ATE1: variants seen among roughly 807,000 people sequenced by gnomAD.
ATE1 encodes arginyl-tRNA--protein transferase 1.
In ATE1, 36 loss-of-function variants were observed where a neutral mutation model predicts 70.5. The ratio of observed to expected loss-of-function variants is 0.51; its 90% CI spans 0.39 to 0.67. ATE1 has a LOEUF of 0.67. ATE1 is among the 30% of genes least tolerant of loss of function. The pLI is 0.00. For synonymous variants in ATE1, 232 were observed against 219.3 expected, an observed-to-expected ratio of 1.06 and a Z score of -0.51; for missense variants, 593 against 629.5, an observed-to-expected ratio of 0.94 and a Z score of 0.62.
At chr10:121,791,096 A>AT (rs10584053) in intron 10 of ATE1, among the ~76,000 whole-genome samples, 8,574 of 94,320 alleles carry the variant, frequency 0.091, 382 homozygotes, top group East Asian at 0.12. Flanking sequence ...GTGTATATAT[A>AT]TTTTTTTTTT....
At chr10:121,907,408 T>A (rs984151609) in intron 5 of ATE1, among the ~76,000 whole-genome samples, 5 of 151,766 alleles carry the variant, frequency 3.3e-5, no homozygotes, top group African/African-American at 1.2e-4. Context: ...GAGGTTGCAG[T>A]GAGCTGAGAT....
At chr10:121,860,355 A>G (rs1564903890) in intron 8 of ATE1, among the ~76,000 whole-genome samples, 2 of 152,210 alleles carry the variant, frequency 1.3e-5, no homozygotes, top group Non-Finnish European at 2.9e-5. Context: ...GCAGTCCACC[A>G]TGCCAACACA....
intron 11 of ATE1, among the ~76,000 whole-genome samples, chr10:121,751,380 G>GAACT (rs1397015261): frequency 5.9e-5 from 9 of 152,174 alleles, no homozygotes; most frequent in Admixed American, 5.9e-4. Context: ...ACATACTGAA[G>GAACT]AACTGCCAGA....
rs1944226761 is a variant in ATE1, at chr10:121,743,796, G to A, written c.1441C>T (p.Pro481Ser). 6.2e-7 allele frequency: 1 copy of A among 1,613,908 alleles called. No individual in the cohort carries two copies. The highest frequency in any genetic ancestry group is 8.5e-7 in the Non-Finnish European group (1 of 1,180,020). ...LQVFHKRAIM[P>S]YGVYKKQQKD... ...TGCTGTTTCTTATAAACACCGTAAG[G>A]CATGATGGCTCTCTTGTGAAACACC... The change falls in exon 12 of 12, where the codon CCT (proline) becomes TCT (serine). Residue 481 changes from proline to serine, a missense_variant. Around this residue, in one of 3 missense-constraint regions of ATE1, gnomAD observed 90 missense variants for 93.7 expected, o/e 0.96. Coordinates refer to ENST00000224652, the MANE Select transcript of ATE1 (RefSeq NM_001001976.3).
At chr10:121,820,792 T>C (rs1037980944) in intron 10 of ATE1, among the ~76,000 whole-genome samples, 4 of 152,382 alleles carry the variant, frequency 2.6e-5, no homozygotes, top group African/African-American at 9.6e-5. Context: ...GATATATGCA[T>C]GGCAGTGTCC....
rs1468628765 is a variant in ATE1 at position 121,927,829 on chromosome 10, G to T, written c.106+15C>A. The T allele has an allele frequency of 6.4e-7, 1 of 1,552,718 alleles. No individual in the cohort carries two copies. The highest frequency in any genetic ancestry group is 8.7e-7 in the Non-Finnish European group (1 of 1,151,608). ...GGCGCCCGGCTTCCCACGCCCGCCG[G>T]CCCGGCTCGCTCACCATTGGAGCGG... On this transcript the variant is annotated intron_variant, in intron 1 of 11. Coordinates refer to ENST00000224652, the MANE Select transcript of ATE1 (RefSeq NM_001001976.3).
intron 6 of ATE1, among the ~76,000 whole-genome samples, chr10:121,901,660 TGG>T: frequency 6.6e-6 from 1 of 152,090 alleles, no homozygotes; most frequent in Admixed American, 6.6e-5. Flanking sequence ...TTCACTGTGT[TGG>T]CCAAGCTGAT....
intron 5 of ATE1, among the ~76,000 whole-genome samples, 183 bp downstream of exon 5, chr10:121,910,723 T>C (rs556066768): frequency 2.6e-5 from 4 of 152,334 alleles, no homozygotes; most frequent in East Asian, 3.9e-4. Context: ...TTTTTAAGCA[T>C]AGTAGTTTGT....
At chr10:121,829,770 T>C (rs914893814) in intron 10 of ATE1, among the ~76,000 whole-genome samples, 5 of 152,188 alleles carry the variant, frequency 3.3e-5, no homozygotes, top group Non-Finnish European at 5.9e-5. Flanking sequence ...AAATTCCTTT[T>C]ATTCTTTAAT....
chr10:121,863,008 G>A (rs1949530039), intron 8 of ATE1, among the ~76,000 whole-genome samples: 1 of 152,146 alleles, frequency 6.6e-6, no homozygotes, highest in South Asian at 2.1e-4. Flanking sequence ...GTGTGGTAGT[G>A]TTGTTCATGC....
chr10:121,791,054 ACGTGTGT>A (rs1946423119), intron 10 of ATE1, among the ~76,000 whole-genome samples: 1 of 3,610 alleles, frequency 2.8e-4, no homozygotes, highest in African/African-American at 4.7e-4. Flanking sequence ...ATATATGTAT[ACGTGTGT>A]GTGTGTGTGT....
intron 1 of ATE1, among the ~76,000 whole-genome samples, chr10:121,926,524 G>A (rs1458606781): frequency 6.6e-6 from 1 of 152,126 alleles, no homozygotes; most frequent in African/African-American, 2.4e-5. Flanking sequence ...TTGCAGGCAG[G>A]TTTCTTCGAC....
In ATE1 at chr10:121,927,975, C is replaced by G; in HGVS notation, c.-26G>C. On this transcript the variant is annotated 5_prime_UTR_variant, in exon 1 of 12. Coordinates refer to ENST00000224652, the MANE Select transcript of ATE1 (RefSeq NM_001001976.3). ...GGCCTCGGCCCCGCGAACGCTCAGC[C>G]GCCCGGCCCCGCGTCGCTAGCGCGG... 6.8e-7 allele frequency: 1 copy of G among 1,481,356 alleles called. No individual in the cohort carries two copies. The highest frequency in any genetic ancestry group is 9.0e-7 in the Non-Finnish European group (1 of 1,113,540). The allele number at this position is 1,481,356 out of a possible 1,614,324, so 91.8% of individuals were successfully genotyped here.
At chr10:121,756,706 G>A (rs1944816600) in intron 11 of ATE1, among the ~76,000 whole-genome samples, 2 of 152,168 alleles carry the variant, frequency 1.3e-5, no homozygotes, top group South Asian at 2.1e-4. Flanking sequence ...CTCTACCTTG[G>A]CCACTTTTAG....
At chr10:121,863,052 T>G (rs2133969133) in intron 8 of ATE1, among the ~76,000 whole-genome samples, 1 of 152,290 alleles carries the variant, frequency 6.6e-6, no homozygotes, top group Admixed American at 6.5e-5. Flanking sequence ...TGTCTAAATG[T>G]TCTATCAATT....
At chr10:121,834,406 G>T (rs10788213) in intron 10 of ATE1, among the ~76,000 whole-genome samples, 43,587 of 152,030 alleles carry the variant, frequency 0.29, 6,949 homozygotes, top group South Asian at 0.44. Context: ...AGGCAAGCAG[G>T]CATGGGGGTA....
intron 4 of ATE1, among the ~76,000 whole-genome samples, chr10:121,912,945 T>C (rs1284638276): frequency 1.4e-5 from 2 of 145,460 alleles, no homozygotes; most frequent in African/African-American, 4.9e-5. Context: ...AGTGGCACAA[T>C]GTCGGCTCAC....
At chr10:121,900,288 TAC>T (rs1245490944) in intron 6 of ATE1, among the ~76,000 whole-genome samples, 1 of 152,170 alleles carries the variant, frequency 6.6e-6, no homozygotes, top group African/African-American at 2.4e-5. Context: ...CCAGCACTCG[TAC>T]ACACACGACA....
Position 121,927,905 on chromosome 10 carries a change from G to GA in ATE1, c.44dup (p.Ser17Ter), listed in dbSNP as rs1213609511. ...CGCAGCGGTAGAAGTCCTCGCTAGG[G>GA]AAATAGTCCACGACGCTGGGCGAAC... On this transcript the variant is annotated frameshift_variant, in exon 1 of 12. Coordinates refer to ENST00000224652, the MANE Select transcript of ATE1 (RefSeq NM_001001976.3). LOFTEE classifies it high-confidence loss of function. The GA allele has an allele frequency of 4.4e-6, 7 of 1,592,866 alleles. No individual in the cohort carries two copies. Among genetic ancestry groups the GA allele is most frequent in the Non-Finnish European group, 6.0e-6 (7 of 1,172,388 alleles).
Sources: allele counts gnomAD v4.1 joint callset (sites outside exome capture counted in the v4.1 genomes callset), GRCh38; gene constraint gnomAD v4.1.1; regional missense constraint gnomAD v4.1.1; transcripts MANE v1.5; gene names NCBI Gene and HGNC (gene_info 2026-07-23, HGNC 2026-07-21).